The following PBRM1 variants were observed in gnomAD, a reference collection of about 807,000 sequenced individuals.
The protein encoded by PBRM1 is polybromo 1.
Under a neutral mutation model 194.5 loss-of-function variants are expected in PBRM1, and 27 were observed. That is an observed-to-expected ratio of 0.14 (90% CI 0.10 to 0.19). PBRM1 has a LOEUF of 0.19. PBRM1 is among the 10% of genes least tolerant of loss of function. PBRM1 has a pLI of 1.00. For synonymous variants in PBRM1, 655 were observed against 693.2 expected (o/e 0.94, Z 0.87); for missense variants, 1,466 against 2,077.2 (o/e 0.71, Z 5.72).
chr3:52,586,748 C>CAAAAAAAAAAAAAAAAAAAAA (rs35352950), intron 19 of PBRM1, 60 bp from the exon 22 acceptor site: 1 of 163,828 alleles, frequency 6.1e-6, no homozygotes, highest in African/African-American at 4.6e-5. Context: ...GAAAATCAAT[C>CAAAAAAAAAAAAAAAAAAAAA]AAAAAAAAAA....
chr3:52,579,636 TAAAGAG>T (rs2090582308), intron 20 of PBRM1, among the ~76,000 whole-genome samples: 1 of 151,780 alleles, frequency 6.6e-6, no homozygotes, highest in East Asian at 1.9e-4. Context: ...CAAAAAAACA[TAAAGAG>T]AAACTCTGAA....
intron 10 of PBRM1, among the ~76,000 whole-genome samples, chr3:52,637,440 T>C (rs191703930): frequency 7.9e-5 from 12 of 152,120 alleles, no homozygotes; most frequent in Admixed American, 7.9e-4. Context: ...GAGACCAGTA[T>C]GGGCAAAATG....
chr3:52,678,580 T>C (rs934149529), exon 2 of PBRM1: 3 of 1,610,492 alleles, frequency 1.9e-6, no homozygotes, highest in African/African-American at 2.7e-5. Flanking sequence ...TATTATAGAG[T>C]TCATGGCACA....
intron 22 of PBRM1, among the ~76,000 whole-genome samples, chr3:52,570,433 T>C (rs1240969326): frequency 1.3e-5 from 2 of 152,248 alleles, no homozygotes; most frequent in African/African-American, 2.4e-5. Context: ...TTTATTTACA[T>C]AATTCAAAGG....
At chr3:52,670,754 G>C (rs1228290660) in intron 2 of PBRM1, among the ~76,000 whole-genome samples, 1 of 152,180 alleles carries the variant, frequency 6.6e-6, no homozygotes, top group Non-Finnish European at 1.5e-5. Flanking sequence ...CAGCTACTTG[G>C]GAGGCTGAGG....
At chr3:52,583,790 G>A (rs1163315107) in intron 20 of PBRM1, among the ~76,000 whole-genome samples, 5 of 152,046 alleles carry the variant, frequency 3.3e-5, no homozygotes. Context: ...GTAAATTACT[G>A]TTTTTCTAAA....
At chr3:52,636,858 T>TA (rs11379683) in intron 10 of PBRM1, among the ~76,000 whole-genome samples, 67,197 of 137,256 alleles carry the variant, frequency 0.49, 16,107 homozygotes, top group Admixed American at 0.58. Flanking sequence ...GACTCCGCCT[T>TA]AAAAAAAAAA....
chr3:52,561,704 T>C (rs1575612090), intron 25 of PBRM1, 63 bp downstream of exon 27: 2 of 1,370,774 alleles, frequency 1.5e-6, no homozygotes, highest in East Asian at 2.3e-5. Context: ...AACCTGTCTG[T>C]GCGCGTGCAT....
intron 3 of PBRM1, among the ~76,000 whole-genome samples, chr3:52,662,818 C>G (rs1240185712): frequency 1.5e-5 from 2 of 129,514 alleles, no homozygotes; most frequent in African/African-American, 6.0e-5. Context: ...GAGCAAGACT[C>G]TGTCTTAAAA....
chr3:52,682,816 C>T (rs2097228885), upstream of PBRM1, among the ~76,000 whole-genome samples: 1 of 152,110 alleles, frequency 6.6e-6, no homozygotes, highest in African/African-American at 2.4e-5. Flanking sequence ...CCTGTAATCC[C>T]AGCACTTTGG....
At chr3:52,655,409 T>C (rs2096590379) in intron 5 of PBRM1, among the ~76,000 whole-genome samples, 1 of 152,208 alleles carries the variant, frequency 6.6e-6, no homozygotes, top group African/African-American at 2.4e-5. Context: ...AGAATTTCCT[T>C]CCTTTTTAAC....
At chr3:52,565,194 G>A (rs559992243) in intron 22 of PBRM1, among the ~76,000 whole-genome samples, 1 of 148,982 alleles carries the variant, frequency 6.7e-6, no homozygotes, top group South Asian at 2.1e-4. Flanking sequence ...GCGAGACTCC[G>A]TCTCAAAAAA....
Position 52,609,432 on chromosome 3 carries a change from G to A in PBRM1, c.2448C>T (p.Asn816=). ...TTATGTCAAATGTAAGGGGTGGTTT[G>A]TTAGGAAAGTTGGGATCCACAGCAG... Residue 816 remains asparagine, a synonymous_variant, in exon 16 of 30, where the codon AAC becomes AAT. Coordinates refer to ENST00000296302, the Ensembl canonical transcript of PBRM1. The surrounding 1 kb of genome is among the most constrained non-coding windows in gnomAD (Gnocchi z 4.1). The A allele has an allele frequency of 6.2e-7, 1 of 1,613,948 alleles. No homozygotes were observed.
Position 52,558,210 on chromosome 3 carries a change from CTTAAAGTGGAAAAAAATGGT to C in PBRM1, c.4453+19_4453+38del. ...GGAGAAAAAAAAAATGAAGGAATTT[CTTAAAGTGGAAAAAAATGGT>C]CTTAGCTCCTGTTTTTACCTGCAAC... On this transcript the variant is annotated intron_variant, in intron 26 of 29. Transcript: ENST00000296302. 1 of 1,429,236 alleles carries C rather than the reference CTTAAAGTGGAAAAAAATGGT, an allele frequency of 7.0e-7. No homozygotes were observed. The highest frequency in any genetic ancestry group is 9.4e-7 in the Non-Finnish European group (1 of 1,069,196). The allele number at this position is 1,429,236 out of a possible 1,614,324, so 88.5% of individuals were successfully genotyped here. A position where few individuals can be genotyped will look rare whatever the true frequency, so the allele number is the denominator to read the frequency against.
chr3:52,625,023 T>A (rs1447291214), intron 13 of PBRM1, 82 bp from the exon 15 acceptor site: 1 of 934,058 alleles, frequency 1.1e-6, no homozygotes, highest in Non-Finnish European at 1.7e-6. Context: ...CCATGTATGG[T>A]TGAAGAAAAA....
chr3:52,562,049 C>T (rs1474591305), intron 24 of PBRM1, 81 bp from the exon 27 acceptor site: 13 of 1,057,974 alleles, frequency 1.2e-5, no homozygotes, highest in South Asian at 3.8e-5. Flanking sequence ...CAGCCGGGCG[C>T]GGTGGCTCAC....
upstream of PBRM1, among the ~76,000 whole-genome samples, chr3:52,680,633 T>C (rs146331544): frequency 0.011 from 1,653 of 152,266 alleles, 14 homozygotes; most frequent in Non-Finnish European, 0.016. Context: ...AAATAGTATA[T>C]TGTGATTTGA....
intron 15 of PBRM1, among the ~76,000 whole-genome samples, chr3:52,611,292 C>T (rs577596046): frequency 2.0e-5 from 3 of 152,282 alleles, no homozygotes; most frequent in South Asian, 4.1e-4. Flanking sequence ...TTTTACATCC[C>T]TTTCATGAAT....
chr3:52,640,544 T>A (rs377142442), intron 10 of PBRM1, among the ~76,000 whole-genome samples: 4 of 150,960 alleles, frequency 2.6e-5, no homozygotes, highest in African/African-American at 9.8e-5. Context: ...GTGCTGGGAT[T>A]ATGGGTGTGA....
Sources: allele counts gnomAD v4.1 joint callset (sites outside exome capture counted in the v4.1 genomes callset), GRCh38; gene constraint gnomAD v4.1.1; non-coding constraint Gnocchi (gnomAD v3.1); transcripts MANE v1.5; gene names NCBI Gene and HGNC (gene_info 2026-07-23, HGNC 2026-07-21).